Variants in CSMD1 observed in about 807,000 individuals in gnomAD.
CSMD1 encodes CUB and Sushi multiple domains 1.
Under a neutral mutation model 417.5 loss-of-function variants are expected in CSMD1, and 213 were observed. The observed-to-expected ratio is 0.51, with a 90% CI of 0.46 to 0.57. The LOEUF (loss-of-function observed/expected upper bound fraction) is 0.57. Ranked by LOEUF, CSMD1 falls within the 20% of genes least tolerant of loss-of-function variation. The pLI is 0.00. For missense variants in CSMD1, 6,923 were observed against 4,529.7 expected, an observed-to-expected ratio of 1.53 and a Z score of -15.17; for synonymous variants, 2,862 against 1,736.8, an observed-to-expected ratio of 1.65 and a Z score of -16.11.
At chr8:4,461,016 C>T (rs536716719) in intron 2 of CSMD1, among the ~76,000 whole-genome samples, 1 of 152,012 alleles carries the variant, frequency 6.6e-6, no homozygotes, top group Non-Finnish European at 1.5e-5. Flanking sequence ...ATGCTCAAAA[C>T]AAATCAAGAA....
At chr8:4,852,537 G>A (rs1452495547) in intron 1 of CSMD1, among the ~76,000 whole-genome samples, 2 of 152,034 alleles carry the variant, frequency 1.3e-5, no homozygotes, top group African/African-American at 4.8e-5. Context: ...ACCTAGCCTT[G>A]GGTATTTCTA....
intron 11 of CSMD1, among the ~76,000 whole-genome samples, chr8:3,478,731 T>G (rs370173563): frequency 6.6e-6 from 1 of 152,144 alleles, no homozygotes; most frequent in African/African-American, 2.4e-5. Context: ...ATAAAATGGA[T>G]GTAAGAGCCA....
At chr8:3,436,862 T>C (rs56066772) in intron 12 of CSMD1, among the ~76,000 whole-genome samples, 17,892 of 152,120 alleles carry the variant, frequency 0.12, 1,301 homozygotes, top group East Asian at 0.29. Context: ...TCGGGATTAT[T>C]AGAGATGAAA....
chr8:3,789,734 T>A (rs1280831504), intron 5 of CSMD1, among the ~76,000 whole-genome samples: 1 of 146,352 alleles, frequency 6.8e-6, no homozygotes, highest in Non-Finnish European at 1.5e-5. Context: ...TAATTTTTTT[T>A]TTTTTTTTTT....
chr8:3,992,558 A>G (rs1273586745), intron 5 of CSMD1, among the ~76,000 whole-genome samples: 1 of 152,224 alleles, frequency 6.6e-6, no homozygotes, highest in African/African-American at 2.4e-5. Context: ...CTGAGCCAGC[A>G]GAATTCCTTG....
chr8:4,298,834 A>G lies in CSMD1; in HGVS notation c.415+121119T>C, dbSNP rs116493749. Among the ~76,000 whole-genome samples the G allele has an allele frequency of 9.1e-3, 1,388 of 152,190 alleles. 19 individuals carry two copies. The highest frequency in any genetic ancestry group is 0.032 in the African/African-American group (1,340 of 41,572). On this transcript the variant is annotated intron_variant, in intron 3 of 69. Coordinates refer to ENST00000635120, the MANE Select transcript of CSMD1 (RefSeq NM_033225.6). ...TGTACCCTAGAACTTAAAGTATAAT[A>G]AAAAATTATTTCTGGAAATACTGGT...
intron 14 of CSMD1, among the ~76,000 whole-genome samples, chr8:3,406,789 T>C (rs1812368253): frequency 6.6e-6 from 1 of 152,224 alleles, no homozygotes; most frequent in African/African-American, 2.4e-5. Context: ...TCTCACTTTA[T>C]TCCATCTACA....
At chr8:3,455,568 G>A (rs1475765401) in intron 12 of CSMD1, among the ~76,000 whole-genome samples, 9 of 152,202 alleles carry the variant, frequency 5.9e-5, no homozygotes, top group Admixed American at 5.9e-4. Flanking sequence ...GGAATTTGCT[G>A]GAGGTCCACT....
intron 7 of CSMD1, among the ~76,000 whole-genome samples, chr8:3,682,207 A>G (rs555919497): frequency 4.1e-4 from 62 of 152,330 alleles, no homozygotes; most frequent in African/African-American, 1.4e-3. Context: ...TAATTAAACT[A>G]AAGAGCTTCT....
chr8:3,612,883 C>A (rs970476980), intron 8 of CSMD1, among the ~76,000 whole-genome samples: 2 of 151,824 alleles, frequency 1.3e-5, no homozygotes, highest in East Asian at 1.9e-4. Context: ...AAAAGAAGAA[C>A]AAATGGAGCC....
chr8:4,200,359 G>T (rs912163494), intron 3 of CSMD1, among the ~76,000 whole-genome samples: 1 of 151,886 alleles, frequency 6.6e-6, no homozygotes, highest in Non-Finnish European at 1.5e-5. Flanking sequence ...AGCAAAGCAT[G>T]ATTTTTTAAA....
In CSMD1 at chr8:2,973,102, C is replaced by G. The variant is rs1296862807; in HGVS notation, c.8923+15G>C. The G allele has an allele frequency of 6.2e-7, 1 of 1,611,156 alleles. No individual in the cohort carries two copies. The highest frequency in any genetic ancestry group is 1.3e-5 in the African/African-American group (1 of 74,846). ...TTAACTTTCAAGGTGGACCTTAAGG[C>G]TTCTGGCTACTCACCCTCACACACC... On this transcript the variant is annotated intron_variant, in intron 57 of 69. Transcript: ENST00000635120.
chr8:2,990,170 T>A (rs567738660), intron 54 of CSMD1, among the ~76,000 whole-genome samples: 1 of 152,234 alleles, frequency 6.6e-6, no homozygotes, highest in African/African-American at 2.4e-5. Context: ...AAGAGTTTGA[T>A]TAAAGCTGTT....
intron 3 of CSMD1, among the ~76,000 whole-genome samples, chr8:4,078,292 AATG>A (rs1208957729): frequency 5.3e-5 from 8 of 151,336 alleles, no homozygotes; most frequent in Non-Finnish European, 8.8e-5. Context: ...ACTGTGCCAT[AATG>A]ATGAGTTTGA....
Position 4,430,941 on chromosome 8 carries a change from A to G in CSMD1, c.303-10876T>C, listed in dbSNP as rs117708529. Among the ~76,000 whole-genome samples, 135 of 152,296 alleles carry G rather than the reference A, an allele frequency of 8.9e-4. No homozygotes were observed. The East Asian group carries it at 0.02, about 22-fold the overall frequency. On this transcript the variant is annotated intron_variant, in intron 2 of 69. Transcript: ENST00000635120. ...TTATCTTAACAGTGTAAAATTCACT[A>G]CTAGAATTTTTATATCAAGATGTCC...
chr8:4,078,677 G>C (rs912306241), intron 3 of CSMD1, among the ~76,000 whole-genome samples: 2 of 150,038 alleles, frequency 1.3e-5, no homozygotes, highest in East Asian at 1.9e-4. Context: ...AAAACTTGCT[G>C]TATTCTTGCT....
At chr8:3,926,082 T>TACACACACACACACACACACACACCATAC (rs1809667524) in intron 5 of CSMD1, among the ~76,000 whole-genome samples, 2 of 103,920 alleles carry the variant, frequency 1.9e-5, no homozygotes, top group Non-Finnish European at 4.0e-5. Context: ...ACAAACACCA[T>TACACACACACACACACACACACACCATAC]ACACACACAC....
intron 1 of CSMD1, among the ~76,000 whole-genome samples, chr8:4,807,027 T>A (rs1273114492): frequency 6.6e-6 from 1 of 152,226 alleles, no homozygotes; most frequent in Non-Finnish European, 1.5e-5. Context: ...GACTACCTCA[T>A]CATCTCAAAA....
intron 1 of CSMD1, among the ~76,000 whole-genome samples, chr8:4,974,932 A>G (rs1395434110): frequency 6.6e-6 from 1 of 152,232 alleles, no homozygotes; most frequent in Non-Finnish European, 1.5e-5. Context: ...GTTTAAAGAG[A>G]GAGACAAAGA....
Sources: gnomAD v4.1 joint callset for allele counts (sites outside exome capture counted in the v4.1 genomes callset) on GRCh38, gnomAD v4.1.1 for gene constraint, MANE v1.5 for transcripts, NCBI Gene and HGNC (gene_info 2026-07-23, HGNC 2026-07-21) for gene names.